LPP: variants seen among roughly 807,000 people sequenced by gnomAD.
LPP encodes lipoma-preferred partner.
LPP carries 38 observed loss-of-function variants against 60.4 expected under a neutral mutation model. The observed-to-expected ratio is 0.63, with a 90% confidence interval of 0.49 to 0.83. LPP has a LOEUF of 0.83. Ranked by LOEUF, LPP falls within the 40% of genes least tolerant of loss-of-function variation. The probability of loss-of-function intolerance (pLI) is 0.00; values close to 1 mark genes in which losing one functional copy is unlikely to be tolerated. For synonymous variants in LPP, 328 were observed against 290.8 expected (o/e 1.13, Z -1.30); for missense variants, 902 against 783.6 (o/e 1.15, Z -1.80).
intron 4 of LPP, chr3:188,472,917 GT>G (rs1202947334): frequency 7.2e-5 from 11 of 152,152 alleles, no homozygotes; most frequent in Non-Finnish European, 1.5e-4. Context: ...AGAAGTCTCA[GT>G]TTCTCACACT....
chr3:188,641,557 C>T (rs567496053), intron 7 of LPP, among the ~76,000 whole-genome samples: 1 of 152,100 alleles, frequency 6.6e-6, no homozygotes, highest in South Asian at 2.1e-4. Context: ...TCAGTAGTTA[C>T]AACTATTGAA....
chr3:188,568,308 G>A (rs1044565073), intron 6 of LPP: 2 of 152,014 alleles, frequency 1.3e-5, no homozygotes, highest in Non-Finnish European at 2.9e-5. Context: ...AAACTACAAT[G>A]AGAAAGATAG....
At chr3:188,295,301 G>A (rs1747492243) in intron 2 of LPP, among the ~76,000 whole-genome samples, 1 of 152,156 alleles carries the variant, frequency 6.6e-6, no homozygotes, top group Non-Finnish European at 1.5e-5. Context: ...CCCCATGCAC[G>A]GTTAGAGTTA....
chr3:188,482,169 A>G (rs1804975681), intron 4 of LPP, among the ~76,000 whole-genome samples: 1 of 152,116 alleles, frequency 6.6e-6, no homozygotes, highest in Non-Finnish European at 1.5e-5. Context: ...CGTGATTGTA[A>G]CTTTCCTGAG....
chr3:188,395,365 C>T (rs975900608), intron 3 of LPP, among the ~76,000 whole-genome samples: 1 of 151,856 alleles, frequency 6.6e-6, no homozygotes, highest in Non-Finnish European at 1.5e-5. Flanking sequence ...ATTAGAGAGG[C>T]GAGCCACCAT....
At chr3:188,422,937 G>GTGTA (rs1407475210) in intron 4 of LPP, among the ~76,000 whole-genome samples, 2 of 151,586 alleles carry the variant, frequency 1.3e-5, no homozygotes, top group African/African-American at 4.8e-5. Flanking sequence ...GTGTGTGTGT[G>GTGTA]TGTGTGTGTG....
chr3:188,554,145 C>CCTT (rs1828891643), intron 6 of LPP: 2 of 152,014 alleles, frequency 1.3e-5, no homozygotes, highest in African/African-American at 4.8e-5. Flanking sequence ...GAATTTGATG[C>CCTT]TTTTTTTTAA....
chr3:188,245,856 C>G (rs974637966), intron 2 of LPP, among the ~76,000 whole-genome samples: 3 of 152,120 alleles, frequency 2.0e-5, no homozygotes, highest in African/African-American at 7.2e-5. Flanking sequence ...CCTGCTTTCA[C>G]AAAAAACAAA....
chr3:188,848,187 T>C (rs1475150413), intron 9 of LPP, among the ~76,000 whole-genome samples: 1 of 152,260 alleles, frequency 6.6e-6, no homozygotes, highest in Non-Finnish European at 1.5e-5. Context: ...CTAATTGTTA[T>C]GTATGTACCC....
intron 4 of LPP, among the ~76,000 whole-genome samples, chr3:188,422,019 T>C (rs998834007): frequency 1.3e-5 from 2 of 152,194 alleles, no homozygotes; most frequent in African/African-American, 4.8e-5. Flanking sequence ...TGAGAACAGC[T>C]GGTGGTTCAC....
chr3:188,474,877 T>C (rs565614613), intron 4 of LPP, among the ~76,000 whole-genome samples: 2 of 152,376 alleles, frequency 1.3e-5, no homozygotes, highest in East Asian at 1.9e-4. Flanking sequence ...AAGTCAAAAA[T>C]ATATGGTGTG....
intron 9 of LPP, among the ~76,000 whole-genome samples, chr3:188,863,537 T>C (rs1765781663): frequency 6.6e-6 from 1 of 152,078 alleles, no homozygotes; most frequent in Non-Finnish European, 1.5e-5. Flanking sequence ...CTCCTGACAC[T>C]GTGAGTTTTT....
chr3:188,241,410 C>T (rs994474427), intron 2 of LPP, among the ~76,000 whole-genome samples: 8 of 152,206 alleles, frequency 5.3e-5, no homozygotes, highest in African/African-American at 9.7e-5. Flanking sequence ...TCTCCCTACT[C>T]GTTCCTCATC....
chr3:188,825,876 T>C (rs1443179402), intron 9 of LPP, among the ~76,000 whole-genome samples: 1 of 152,162 alleles, frequency 6.6e-6, no homozygotes, highest in Non-Finnish European at 1.5e-5. Flanking sequence ...GTTCCCATGC[T>C]GTTGATGCTG....
At chr3:188,215,933 A>T (rs971073309) in intron 1 of LPP, among the ~76,000 whole-genome samples, 16 of 152,360 alleles carry the variant, frequency 1.1e-4, no homozygotes, top group African/African-American at 3.4e-4. Context: ...AAAGGGCTGT[A>T]CGCAGCTATG....
intron 1 of LPP, among the ~76,000 whole-genome samples, chr3:188,165,441 A>G (rs1490700513): frequency 6.6e-6 from 1 of 152,110 alleles, no homozygotes. Context: ...ATGGATAGAG[A>G]CATGGAGGTG....
chr3:188,871,090 C>G (rs182295308), intron 10 of LPP, among the ~76,000 whole-genome samples: 27 of 152,138 alleles, frequency 1.8e-4, no homozygotes, highest in African/African-American at 3.9e-4. Context: ...CAAATAATTA[C>G]TACCAAAATG....
intron 2 of LPP, among the ~76,000 whole-genome samples, chr3:188,330,590 G>A (rs1357202212): frequency 2.0e-5 from 3 of 151,940 alleles, no homozygotes; most frequent in African/African-American, 7.3e-5. Flanking sequence ...TCAATCCTAG[G>A]CCTGGCCAGG....
intron 6 of LPP, among the ~76,000 whole-genome samples, chr3:188,563,460 A>ATATATGTGTGTGTGTG (rs373067080): frequency 1.4e-5 from 2 of 141,938 alleles, no homozygotes; most frequent in African/African-American, 5.3e-5. Flanking sequence ...TTACATATAT[A>ATATATGTGTGTGTGTG]TGTGTGTGTG....
Sources: gnomAD v4.1 joint callset for allele counts (sites outside exome capture counted in the v4.1 genomes callset) on GRCh38, gnomAD v4.1.1 for gene constraint, MANE v1.5 for transcripts, NCBI Gene and HGNC (gene_info 2026-07-23, HGNC 2026-07-21) for gene names.